The following SND1 variants were observed in gnomAD, a reference collection of about 807,000 sequenced individuals.
The protein encoded by SND1 is staphylococcal nuclease and tudor domain containing 1.
Under a neutral mutation model 121.7 loss-of-function variants are expected in SND1, and 38 were observed. That is an observed-to-expected ratio of 0.31 (90% CI 0.24 to 0.41). SND1 has a LOEUF of 0.41. Among genes scored for constraint, SND1 ranks in the 10% least tolerant of loss-of-function variants. The probability of loss-of-function intolerance (pLI) is 1.00; values close to 1 mark genes in which losing one functional copy is unlikely to be tolerated. For missense variants in SND1, 868 were observed against 1,184.6 expected (o/e 0.73, Z 3.92); for synonymous variants, 401 against 447.4 (o/e 0.90, Z 1.31).
intron 2 of SND1, among the ~76,000 whole-genome samples, chr7:127,688,619 G>A (rs2116311532): frequency 6.6e-6 from 1 of 151,852 alleles, no homozygotes; most frequent in African/African-American, 2.4e-5. Context: ...CTACTTGGGA[G>A]GTAGAGGTGG....
intron 16 of SND1, among the ~76,000 whole-genome samples, chr7:128,038,815 A>T (rs1052364940): frequency 3.3e-5 from 5 of 152,128 alleles, no homozygotes; most frequent in East Asian, 1.9e-4. Context: ...CATTTATTCA[A>T]AACTAAGAAA....
intron 18 of SND1, among the ~76,000 whole-genome samples, chr7:128,083,195 A>G (rs1368715846): frequency 1.3e-5 from 2 of 152,210 alleles, no homozygotes; most frequent in Non-Finnish European, 1.5e-5. Context: ...AAACATTGCC[A>G]TTAGCTGCAA....
At chr7:127,909,022 C>G (rs758327480) in intron 14 of SND1, among the ~76,000 whole-genome samples, 1 of 152,168 alleles carries the variant, frequency 6.6e-6, no homozygotes, top group Non-Finnish European at 1.5e-5. Context: ...ACCTTTACCT[C>G]CACTTCTCCA....
chr7:128,086,830 G>A, intron 20 of SND1, 108 bp from the exon 21 acceptor site: 1 of 862,992 alleles, frequency 1.2e-6, no homozygotes. Flanking sequence ...GGATGAACAG[G>A]GTGGCCCAGA....
intron 10 of SND1, among the ~76,000 whole-genome samples, chr7:127,792,437 G>A (rs760747503): frequency 6.6e-6 from 1 of 152,150 alleles, no homozygotes; most frequent in Non-Finnish European, 1.5e-5. Flanking sequence ...GAGACAGAAA[G>A]CACACCAGTT....
intron 15 of SND1, among the ~76,000 whole-genome samples, chr7:127,976,463 A>G (rs1802123070): frequency 1.3e-5 from 2 of 152,230 alleles, no homozygotes; most frequent in South Asian, 4.1e-4. Flanking sequence ...CTTTGTGTCC[A>G]GCATGACAGT....
At chr7:127,966,903 A>G (rs544126264) in intron 15 of SND1, among the ~76,000 whole-genome samples, 28 of 151,908 alleles carry the variant, frequency 1.8e-4, no homozygotes, top group Non-Finnish European at 3.1e-4. Context: ...CAAAAAATCA[A>G]TGAATCCAGG....
intron 10 of SND1, among the ~76,000 whole-genome samples, chr7:127,723,212 A>G (rs1276878288): frequency 6.6e-6 from 1 of 152,152 alleles, no homozygotes; most frequent in East Asian, 1.9e-4. Flanking sequence ...ACTACTGAGT[A>G]TTTTTAGTCC....
chr7:127,888,150 C>G, intron 13 of SND1, 138 bp downstream of exon 13: 1 of 558,296 alleles, frequency 1.8e-6, no homozygotes. Context: ...TAGATTTTCC[C>G]CATGAAAAGA....
chr7:127,909,475 G>A (rs768220058), intron 14 of SND1, among the ~76,000 whole-genome samples: 46 of 149,760 alleles, frequency 3.1e-4, no homozygotes, highest in Non-Finnish European at 5.6e-4. Context: ...TTAAGGATAC[G>A]GAGTCTCACT....
At chr7:127,915,936 A>G (rs891032175) in intron 14 of SND1, among the ~76,000 whole-genome samples, 1 of 151,930 alleles carries the variant, frequency 6.6e-6, no homozygotes, top group Admixed American at 6.6e-5. Flanking sequence ...AGGATTTTGA[A>G]TTTTATCTGA....
chr7:127,825,079 G>A (rs1798618351), intron 11 of SND1, among the ~76,000 whole-genome samples: 1 of 152,092 alleles, frequency 6.6e-6, no homozygotes, highest in African/African-American at 2.4e-5. Flanking sequence ...CTGCTTTTTA[G>A]AAATGACAGT....
At chr7:127,654,149 G>A (rs774125601) in intron 1 of SND1, among the ~76,000 whole-genome samples, 25 of 152,302 alleles carry the variant, frequency 1.6e-4, no homozygotes, top group Admixed American at 1.2e-3. Context: ...TTTTGTTTCC[G>A]CCAATGCTGG....
chr7:127,781,871 A>T (rs1797729760), intron 10 of SND1, among the ~76,000 whole-genome samples: 1 of 152,220 alleles, frequency 6.6e-6, no homozygotes, highest in Non-Finnish European at 1.5e-5. Flanking sequence ...ATTCCCAGTA[A>T]TCGTTTCATA....
intron 10 of SND1, among the ~76,000 whole-genome samples, chr7:127,721,840 A>G (rs185859941): frequency 1.2e-4 from 18 of 152,350 alleles, no homozygotes; most frequent in Admixed American, 1.2e-3. Context: ...ATCTTGGTAT[A>G]TGTATTCACT....
intron 12 of SND1, chr7:127,857,722 G>T: frequency 1.7e-6 from 1 of 603,704 alleles, no homozygotes; most frequent in African/African-American, 1.9e-5. Context: ...CACAACTAAA[G>T]GCTTTTATTG....
At chr7:127,664,959 G>T (rs935686205) in intron 1 of SND1, among the ~76,000 whole-genome samples, 6 of 152,202 alleles carry the variant, frequency 3.9e-5, no homozygotes, top group African/African-American at 1.4e-4. Context: ...GTAGGTGGTA[G>T]TAGGAATGAC....
At chr7:127,809,835 A>T (rs1798301275) in intron 11 of SND1, among the ~76,000 whole-genome samples, 1 of 152,210 alleles carries the variant, frequency 6.6e-6, no homozygotes. Flanking sequence ...GATGACCTCC[A>T]TCCTAGTTTT....
At chr7:127,794,647 G>A (rs77851867) in intron 10 of SND1, among the ~76,000 whole-genome samples, 1 of 152,208 alleles carries the variant, frequency 6.6e-6, no homozygotes, top group South Asian at 2.1e-4. Context: ...TTTTCCTCCT[G>A]TTCTTTTCCC....
Sources: gnomAD v4.1 joint callset for allele counts (sites outside exome capture counted in the v4.1 genomes callset) on GRCh38, gnomAD v4.1.1 for gene constraint, MANE v1.5 for transcripts, NCBI Gene and HGNC (gene_info 2026-07-23, HGNC 2026-07-21) for gene names.